Variants in LRRTM4 observed in about 807,000 individuals in gnomAD.
LRRTM4 encodes leucine-rich repeat transmembrane neuronal protein 4.
In LRRTM4, 25 loss-of-function variants were observed where a neutral mutation model predicts 47.6. The ratio of observed to expected loss-of-function variants is 0.53; its 90% CI spans 0.38 to 0.73. The LOEUF is 0.73. Among genes scored for constraint, LRRTM4 ranks in the 30% least tolerant of loss-of-function variants. The probability of loss-of-function intolerance (pLI) is 0.00; values close to 1 mark genes in which losing one functional copy is unlikely to be tolerated. For missense variants in LRRTM4, 638 were observed against 713.4 expected, an observed-to-expected ratio of 0.89 and a Z score of 1.20; for synonymous variants, 311 against 269.5, an observed-to-expected ratio of 1.15 and a Z score of -1.51.
intron 3 of LRRTM4, among the ~76,000 whole-genome samples, chr2:77,217,266 A>T (rs977376682): frequency 2.0e-5 from 3 of 150,738 alleles, no homozygotes; most frequent in African/African-American, 7.3e-5. Context: ...TACTCTAGGC[A>T]GCAGAATTTT....
chr2:76,883,507 A>G (rs999332602), intron 3 of LRRTM4, among the ~76,000 whole-genome samples: 1 of 152,162 alleles, frequency 6.6e-6, no homozygotes, highest in African/African-American at 2.4e-5. Flanking sequence ...TTGAGAATGC[A>G]ATTTACACAT....
At chr2:77,505,432 C>T (rs1678729942) in intron 3 of LRRTM4, among the ~76,000 whole-genome samples, 1 of 151,348 alleles carries the variant, frequency 6.6e-6, no homozygotes, top group Non-Finnish European at 1.5e-5. Context: ...AGTGTTACCA[C>T]ATGCTAGTAT....
chr2:76,982,692 A>C (rs1676653132), intron 3 of LRRTM4, among the ~76,000 whole-genome samples: 1 of 152,018 alleles, frequency 6.6e-6, no homozygotes, highest in Non-Finnish European at 1.5e-5. Context: ...TGTACAAGCA[A>C]AGTCTGAAAG....
intron 3 of LRRTM4, among the ~76,000 whole-genome samples, chr2:76,809,658 T>A (rs1440588729): frequency 6.6e-6 from 1 of 152,196 alleles, no homozygotes; most frequent in Non-Finnish European, 1.5e-5. Flanking sequence ...ACTCTTCTGC[T>A]TAGTGTCTGC....
At chr2:77,514,127 C>T (rs1267426684) in intron 3 of LRRTM4, among the ~76,000 whole-genome samples, 1 of 151,854 alleles carries the variant, frequency 6.6e-6, no homozygotes. Flanking sequence ...CACACACATC[C>T]TATTTAAATA....
chr2:77,479,308 A>G (rs1035406231), intron 3 of LRRTM4, among the ~76,000 whole-genome samples: 11 of 152,208 alleles, frequency 7.2e-5, no homozygotes, highest in African/African-American at 1.9e-4. Context: ...AGTAAATGTG[A>G]AAGTCTCTGA....
intron 3 of LRRTM4, among the ~76,000 whole-genome samples, chr2:77,117,892 G>C (rs186358793): frequency 3.3e-5 from 5 of 152,002 alleles, no homozygotes; most frequent in East Asian, 3.9e-4. Context: ...TCCTCCTGCT[G>C]TTTGAGGAGA....
At chr2:77,318,363 T>C (rs1677681106) in intron 3 of LRRTM4, among the ~76,000 whole-genome samples, 1 of 152,164 alleles carries the variant, frequency 6.6e-6, no homozygotes, top group Admixed American at 6.5e-5. Context: ...TGGCATAAAT[T>C]ACATATTTTT....
intron 3 of LRRTM4, among the ~76,000 whole-genome samples, chr2:77,003,804 C>T (rs1011359704): frequency 6.6e-6 from 1 of 152,106 alleles, no homozygotes; most frequent in African/African-American, 2.4e-5. Context: ...GATTGGAGGG[C>T]TCAGAAGACA....
chr2:76,884,093 A>G (rs942424812), intron 3 of LRRTM4, among the ~76,000 whole-genome samples: 31 of 151,816 alleles, frequency 2.0e-4, no homozygotes, highest in African/African-American at 7.5e-4. Flanking sequence ...TTGTTGAACC[A>G]CCATGCCCAG....
chr2:77,000,456 G>A (rs1299603990), intron 3 of LRRTM4, among the ~76,000 whole-genome samples: 1 of 152,142 alleles, frequency 6.6e-6, no homozygotes, highest in Admixed American at 6.6e-5. Context: ...TATGCCCTTG[G>A]TCTTGTCAGT....
intron 3 of LRRTM4, among the ~76,000 whole-genome samples, chr2:77,387,046 C>G (rs755758274): frequency 6.6e-6 from 1 of 151,990 alleles, no homozygotes; most frequent in Non-Finnish European, 1.5e-5. Flanking sequence ...CACTATGGAA[C>G]GGTTTCATGA....
At chr2:76,797,159 A>G (rs1216428424) in intron 3 of LRRTM4, among the ~76,000 whole-genome samples, 1 of 152,066 alleles carries the variant, frequency 6.6e-6, no homozygotes, top group Non-Finnish European at 1.5e-5. Context: ...AATACACACA[A>G]TTGTCAGATT....
At chr2:77,307,065 A>G in intron 3 of LRRTM4, among the ~76,000 whole-genome samples, 1 of 151,258 alleles carries the variant, frequency 6.6e-6, no homozygotes, top group Non-Finnish European at 1.5e-5. Flanking sequence ...ACGCCCGGCT[A>G]ATTTTTTGTA....
At chr2:77,464,499 T>C (rs1395006671) in intron 3 of LRRTM4, among the ~76,000 whole-genome samples, 1 of 152,122 alleles carries the variant, frequency 6.6e-6, no homozygotes, top group Non-Finnish European at 1.5e-5. Flanking sequence ...AAATTATTAA[T>C]GAGCTATTTC....
chr2:77,405,509 A>C (rs947383659), intron 3 of LRRTM4, among the ~76,000 whole-genome samples: 1 of 152,052 alleles, frequency 6.6e-6, no homozygotes, highest in Non-Finnish European at 1.5e-5. Flanking sequence ...TCTTTTTCTA[A>C]GCTGTTCCTC....
intron 3 of LRRTM4, among the ~76,000 whole-genome samples, chr2:77,377,722 T>C (rs1203464497): frequency 6.6e-6 from 1 of 152,072 alleles, no homozygotes; most frequent in African/African-American, 2.4e-5. Flanking sequence ...TCTGAATCTC[T>C]GAAGATCACT....
At chr2:77,425,564 AT>A (rs1277515568) in intron 3 of LRRTM4, among the ~76,000 whole-genome samples, 3 of 152,044 alleles carry the variant, frequency 2.0e-5, no homozygotes, top group Admixed American at 6.6e-5. Context: ...CCCTCTAAAG[AT>A]TGTTTTCTTT....
chr2:77,461,138 T>TGAGAGAGAGAGAGAGAGAGA (rs72075725), intron 3 of LRRTM4, among the ~76,000 whole-genome samples: 2 of 145,358 alleles, frequency 1.4e-5, no homozygotes, highest in Non-Finnish European at 3.0e-5. Context: ...ACATACACAG[T>TGAGAGAGAGAGAGAGAGAGA]GAGAGAGAGA....
Sources: gnomAD v4.1 joint callset for allele counts (sites outside exome capture counted in the v4.1 genomes callset) on GRCh38, gnomAD v4.1.1 for gene constraint, MANE v1.5 for transcripts, NCBI Gene and HGNC (gene_info 2026-07-23, HGNC 2026-07-21) for gene names.